KCTD20: variants seen among roughly 807,000 people sequenced by gnomAD.
KCTD20 encodes the protein BTB/POZ domain-containing protein KCTD20.
KCTD20 carries 30 observed loss-of-function variants against 39.6 expected under a neutral mutation model. That is an observed-to-expected ratio of 0.76 (90% CI 0.57 to 1.03). The LOEUF is 1.03. Among genes scored for constraint, KCTD20 ranks in the 50% least tolerant of loss-of-function variants. The pLI is 0.00. For missense variants in KCTD20, 422 were observed against 522.0 expected, an observed-to-expected ratio of 0.81 and a Z score of 1.87; for synonymous variants, 162 against 180.6, an observed-to-expected ratio of 0.90 and a Z score of 0.83.
Position 36,489,947 on chromosome 6 carries a change from G to A in KCTD20, c.*2772G>A, listed in dbSNP as rs1276219373. 2 of 152,136 alleles carry A rather than the reference G, an allele frequency of 1.3e-5. No homozygotes were observed. The highest frequency in any genetic ancestry group is 2.9e-5 in the Non-Finnish European group (2 of 68,026). 9.4% of individuals were successfully genotyped at this position (152,136 alleles called of 1,614,324 possible). On this transcript the variant is annotated 3_prime_UTR_variant, in exon 8 of 8. Transcript: ENST00000373731. ...ATTTAATGGTTTCCCCTAAGCCCTG[G>A]AAAAATATTTGAAAGAATGGCAGCA... is the stretch of plus-strand genomic sequence containing the variant.
intron 6 of KCTD20, among the ~76,000 whole-genome samples, chr6:36,484,240 CT>C (rs1484670241): frequency 6.6e-6 from 1 of 152,068 alleles, no homozygotes; most frequent in African/African-American, 2.4e-5. Context: ...CAGCCAAAAC[CT>C]TTTTAGTTTT....
chr6:36,479,302 T>C, intron 4 of KCTD20, 79 bp downstream of exon 4: 2 of 1,032,208 alleles, frequency 1.9e-6, no homozygotes, highest in Non-Finnish European at 2.9e-6. Flanking sequence ...CCATCAACTA[T>C]GTTATTGACT....
At chr6:36,475,163 A>G in intron 3 of KCTD20, 101 bp downstream of exon 3, 4 of 1,312,494 alleles carry the variant, frequency 3.0e-6, no homozygotes, top group Non-Finnish European at 4.2e-6. Flanking sequence ...AGTATTGTAT[A>G]GGTTGGGCGC....
chr6:36,462,834 C>A (rs1288835381), intron 1 of KCTD20, among the ~76,000 whole-genome samples: 3 of 152,166 alleles, frequency 2.0e-5, no homozygotes, highest in Admixed American at 2.0e-4. Context: ...TCTCTTATAG[C>A]CCCTCCAGTC....
rs775879604 is a variant in KCTD20 at position 36,481,646 on chromosome 6, T to C, written c.743T>C (p.Val248Ala). Residue 248 changes from valine (V) to alanine (A), a missense_variant, in exon 6 of 8, where the codon GTG becomes GCG. Transcript: ENST00000373731. ...GAAGAGCTCATCTTGCCCATCATGGTGGGCTGTGCCAAGAAAGGAGAACGA... is the reference window on the plus strand; with the variant it reads ...GAAGAGCTCATCTTGCCCATCATGGCGGGCTGTGCCAAGAAAGGAGAACGA... ...YLEELILPIM[V>A]GCAKKGEREC... is the part of the protein sequence containing the mutation. 1.4e-5 allele frequency: 22 copies of C among 1,614,214 alleles called. No individual in the cohort carries two copies. The highest frequency in any genetic ancestry group is 1.9e-5 in the Non-Finnish European group (22 of 1,180,024).
At chr6:36,471,988 A>G (rs1775924602) in intron 2 of KCTD20, among the ~76,000 whole-genome samples, 1 of 151,956 alleles carries the variant, frequency 6.6e-6, no homozygotes, top group Non-Finnish European at 1.5e-5. Flanking sequence ...AGCTGGGACT[A>G]CAGGCACCTG....
At chr6:36,485,626 T>C (rs770224099) in intron 7 of KCTD20, among the ~76,000 whole-genome samples, 3 of 151,624 alleles carry the variant, frequency 2.0e-5, no homozygotes, top group Non-Finnish European at 4.4e-5. Context: ...CTCGAGTAGC[T>C]GGGACTACAG....
intron 2 of KCTD20, among the ~76,000 whole-genome samples, chr6:36,470,873 G>A (rs990084727): frequency 4.6e-5 from 7 of 152,172 alleles, no homozygotes; most frequent in Admixed American, 1.3e-4. Context: ...TCCTAGGCCC[G>A]GCACGGTGGC....
intron 3 of KCTD20, among the ~76,000 whole-genome samples, chr6:36,478,094 C>CACAAAAAAAA (rs1776124928): frequency 1.1e-5 from 1 of 87,674 alleles, no homozygotes; most frequent in Admixed American, 1.4e-4. Context: ...AACTCCATCT[C>CACAAAAAAAA]AAAAAAAAAA....
intron 3 of KCTD20, among the ~76,000 whole-genome samples, chr6:36,478,141 CA>C (rs1326058202): frequency 6.6e-6 from 1 of 151,054 alleles, no homozygotes; most frequent in African/African-American, 2.4e-5. Flanking sequence ...TGGAGGACAA[CA>C]GTTGTGAACA....
chr6:36,483,268 T>TTC (rs1776315086), intron 6 of KCTD20, among the ~76,000 whole-genome samples: 1 of 146,314 alleles, frequency 6.8e-6, no homozygotes, highest in Non-Finnish European at 1.5e-5. Context: ...TTTTTCTTTT[T>TTC]TTTTTTTTTT....
chr6:36,460,449 GCCCA>G (rs1486360401), intron 1 of KCTD20, among the ~76,000 whole-genome samples: 3 of 152,044 alleles, frequency 2.0e-5, no homozygotes, highest in Non-Finnish European at 4.4e-5. Context: ...AACTACAGGT[GCCCA>G]CCATCACACC....
chr6:36,456,365 G>A (rs1328823932), intron 1 of KCTD20, among the ~76,000 whole-genome samples: 1 of 152,074 alleles, frequency 6.6e-6, no homozygotes, highest in Non-Finnish European at 1.5e-5. Flanking sequence ...TGCAACCTCT[G>A]CCTCCCGGGT....
intron 1 of KCTD20, among the ~76,000 whole-genome samples, chr6:36,457,436 G>A (rs1247362118): frequency 1.3e-5 from 2 of 152,250 alleles, no homozygotes; most frequent in African/African-American, 4.8e-5. Flanking sequence ...GGCCGGGTAC[G>A]GGGACTCACG....
Position 36,490,543 on chromosome 6 carries a change from G to GAA in KCTD20, c.*3378_*3379dup. 6.8e-6 allele frequency: 1 copy of GAA among 146,198 alleles called. No individual in the cohort carries two copies. Among genetic ancestry groups the GAA allele is most frequent in the Non-Finnish European group, 1.5e-5 (1 of 66,116 alleles). 9.1% of individuals were successfully genotyped at this position (146,198 alleles called of 1,614,324 possible). A position where few individuals can be genotyped will look rare whatever the true frequency, so the allele number is the denominator to read the frequency against. On this transcript the variant is annotated 3_prime_UTR_variant, in exon 8 of 8. Transcript: ENST00000373731. ...CAGAGCAAGACTCCATCTCAAAAAA[G>GAA]AAAAAAAAAAATTAAAGGTTTTGGC...
chr6:36,448,446 T>C (rs536401779), intron 1 of KCTD20, among the ~76,000 whole-genome samples: 73 of 152,324 alleles, frequency 4.8e-4, no homozygotes, highest in African/African-American at 1.6e-3. Context: ...CTTAAAATTA[T>C]CTAAGACACC....
intron 1 of KCTD20, among the ~76,000 whole-genome samples, chr6:36,461,669 A>G (rs1414003929): frequency 6.6e-6 from 1 of 152,214 alleles, no homozygotes; most frequent in East Asian, 1.9e-4. Flanking sequence ...TATATTGACA[A>G]AAAAGTACTG....
chr6:36,445,044 C>T (rs537818935), intron 1 of KCTD20, among the ~76,000 whole-genome samples: 131 of 152,116 alleles, frequency 8.6e-4, no homozygotes, highest in Non-Finnish European at 1.6e-3. Flanking sequence ...GATGGATCAC[C>T]TGAGGTCAGG....
At chr6:36,479,339 C>A (rs1469871741) in intron 4 of KCTD20, 116 bp downstream of exon 4, 2 of 776,574 alleles carry the variant, frequency 2.6e-6, no homozygotes, top group South Asian at 1.9e-5. Context: ...CCAGTTGTTT[C>A]CTTTCTCCCT....
Sources: allele counts gnomAD v4.1 joint callset (sites outside exome capture counted in the v4.1 genomes callset), GRCh38; gene constraint gnomAD v4.1.1; transcripts MANE v1.5; gene names NCBI Gene and HGNC (gene_info 2026-07-23, HGNC 2026-07-21).